Variants in XYLT1 observed in about 807,000 individuals in gnomAD.
XYLT1 encodes beta-D-xylosyltransferase 1.
A neutral mutation model predicts 91.3 loss-of-function variants in XYLT1; 36 were observed. The ratio of observed to expected loss-of-function variants is 0.39; its 90% CI spans 0.30 to 0.52. The LOEUF is 0.52. Ranked by LOEUF, XYLT1 falls within the 20% of genes least tolerant of loss-of-function variation. The pLI, the probability that XYLT1 is intolerant of heterozygous loss-of-function variation, is 0.68. For missense variants in XYLT1, 1,242 were observed against 1,284.5 expected (o/e 0.97, Z 0.51); for synonymous variants, 588 against 532.0 (o/e 1.11, Z -1.45).
At chr16:17,346,586 G>A (rs2035146947) in intron 2 of XYLT1, among the ~76,000 whole-genome samples, 1 of 152,080 alleles carries the variant, frequency 6.6e-6, no homozygotes, top group Non-Finnish European at 1.5e-5. Context: ...GAGGCCAAAG[G>A]CAACCCATGT....
intron 3 of XYLT1, among the ~76,000 whole-genome samples, chr16:17,245,383 T>C (rs2033420311): frequency 6.6e-6 from 1 of 152,204 alleles, no homozygotes; most frequent in Non-Finnish European, 1.5e-5. Context: ...CATGCCACAC[T>C]TGGAGGTGAG....
chr16:17,235,987 C>T (rs181853467), intron 3 of XYLT1, among the ~76,000 whole-genome samples: 172 of 152,316 alleles, frequency 1.1e-3, no homozygotes, highest in African/African-American at 3.9e-3. Context: ...CTGCCTCAGC[C>T]TCCCGAGTAG....
chr16:17,344,426 G>A (rs1224589948), intron 2 of XYLT1, among the ~76,000 whole-genome samples: 2 of 150,258 alleles, frequency 1.3e-5, no homozygotes, highest in East Asian at 2.0e-4. Context: ...CCGGGAGGTG[G>A]AGCTTGCAGT....
chr16:17,362,817 A>G (rs1373515356), intron 1 of XYLT1, among the ~76,000 whole-genome samples: 1 of 152,220 alleles, frequency 6.6e-6, no homozygotes, highest in Non-Finnish European at 1.5e-5. Flanking sequence ...AGGCAATGAC[A>G]TTGGTGTAGA....
intron 11 of XYLT1, among the ~76,000 whole-genome samples, chr16:17,109,841 G>C (rs1291012046): frequency 1.3e-5 from 2 of 152,186 alleles, no homozygotes; most frequent in Admixed American, 1.3e-4. Flanking sequence ...CTCAGCTGCC[G>C]AGCGTCCACC....
At chr16:17,244,012 C>T (rs1384111090) in intron 3 of XYLT1, among the ~76,000 whole-genome samples, 10 of 152,150 alleles carry the variant, frequency 6.6e-5, no homozygotes, top group Admixed American at 3.3e-4. Context: ...TTCGTGTCTA[C>T]GCTTTAGATG....
chr16:17,335,807 T>G (rs939455323), intron 2 of XYLT1, among the ~76,000 whole-genome samples: 1 of 152,176 alleles, frequency 6.6e-6, no homozygotes, highest in African/African-American at 2.4e-5. Context: ...CTCATCTATA[T>G]TTTTACTTCA....
intron 1 of XYLT1, among the ~76,000 whole-genome samples, chr16:17,375,138 T>C (rs1247756506): frequency 6.6e-6 from 1 of 152,158 alleles, no homozygotes. Context: ...GAGACCAAGA[T>C]TCAAGTTCCA....
intron 11 of XYLT1, among the ~76,000 whole-genome samples, chr16:17,115,346 TG>T (rs1249147440): frequency 8.0e-6 from 1 of 125,296 alleles, no homozygotes; most frequent in Non-Finnish European, 1.7e-5. Context: ...AAGCCGGGCA[TG>T]GTGGCACACT....
intron 6 of XYLT1, among the ~76,000 whole-genome samples, chr16:17,154,663 G>A (rs1301914439): frequency 6.6e-6 from 1 of 152,156 alleles, no homozygotes; most frequent in East Asian, 1.9e-4. Flanking sequence ...ACTTTTGGAG[G>A]AAAGCAAGGA....
intron 8 of XYLT1, among the ~76,000 whole-genome samples, chr16:17,137,045 C>CTTTCTGCAGGGAAGATGTGAGTTTA (rs959093516): frequency 1.7e-4 from 26 of 152,258 alleles, no homozygotes; most frequent in Non-Finnish European, 1.0e-4. Flanking sequence ...TCAGCATATC[C>CTTTCTGCAGGGAAGATGTGAGTTTA]TTTCTGCAGG....
chr16:17,384,308 T>C (rs2035720414), intron 1 of XYLT1, among the ~76,000 whole-genome samples: 1 of 151,554 alleles, frequency 6.6e-6, no homozygotes, highest in South Asian at 2.1e-4. Context: ...TTTCTTCTCC[T>C]TTAGTCCCAC....
intron 1 of XYLT1, among the ~76,000 whole-genome samples, chr16:17,452,124 C>T (rs1280460791): frequency 1.3e-5 from 2 of 152,072 alleles, no homozygotes; most frequent in Admixed American, 6.5e-5. Flanking sequence ...AATTAAGGAA[C>T]CTACAGCCTA....
chr16:17,238,934 T>G (rs530031345), intron 3 of XYLT1, among the ~76,000 whole-genome samples: 10 of 152,342 alleles, frequency 6.6e-5, no homozygotes, highest in African/African-American at 2.4e-4. Context: ...CTGCTCATTT[T>G]CTAGATGCAG....
At chr16:17,434,685 C>G (rs551430959) in intron 1 of XYLT1, among the ~76,000 whole-genome samples, 1 of 152,062 alleles carries the variant, frequency 6.6e-6, no homozygotes, top group Non-Finnish European at 1.5e-5. Flanking sequence ...AGCAAGACCC[C>G]ATTTCTACAA....
chr16:17,154,800 G>A (rs1011700656), intron 6 of XYLT1, among the ~76,000 whole-genome samples: 1 of 152,162 alleles, frequency 6.6e-6, no homozygotes, highest in African/African-American at 2.4e-5. Context: ...GTCCAAATTG[G>A]CTGCTAAAGG....
At chr16:17,461,244 T>C (rs1407333003) in intron 1 of XYLT1, among the ~76,000 whole-genome samples, 6 of 152,180 alleles carry the variant, frequency 3.9e-5, no homozygotes, top group Non-Finnish European at 8.8e-5. Context: ...CTCCCAGGGC[T>C]CTGAATCATA....
intron 11 of XYLT1, among the ~76,000 whole-genome samples, chr16:17,109,576 C>G (rs1966825836): frequency 6.6e-6 from 1 of 152,050 alleles, no homozygotes; most frequent in South Asian, 2.1e-4. Context: ...AGAGGGTTGG[C>G]AAACTGCAGT....
intron 2 of XYLT1, among the ~76,000 whole-genome samples, chr16:17,299,023 A>ATT: frequency 6.6e-6 from 1 of 152,038 alleles, no homozygotes; most frequent in Non-Finnish European, 1.5e-5. Context: ...AATATATTCT[A>ATT]TTTATATATA....
Sources: allele counts gnomAD v4.1 joint callset (sites outside exome capture counted in the v4.1 genomes callset), GRCh38; gene constraint gnomAD v4.1.1; transcripts MANE v1.5; gene names NCBI Gene and HGNC (gene_info 2026-07-23, HGNC 2026-07-21).